Variants in ATXN10 observed in about 807,000 individuals in gnomAD.
The protein encoded by ATXN10 is ataxin 10, also known as ataxin-10.
Under a neutral mutation model 52.9 loss-of-function variants are expected in ATXN10, and 28 were observed. That is an observed-to-expected ratio of 0.53 (90% CI 0.39 to 0.73). The LOEUF (loss-of-function observed/expected upper bound fraction) is 0.73, where lower values mean the gene tolerates loss of function less well. ATXN10 is among the 30% of genes least tolerant of loss of function. ATXN10 has a pLI of 0.00. For synonymous variants in ATXN10, 226 were observed against 221.5 expected (o/e 1.02, Z -0.18); for missense variants, 565 against 577.0 (o/e 0.98, Z 0.21).
At chr22:45,777,055 A>AAT (rs1354157483) in intron 9 of ATXN10, among the ~76,000 whole-genome samples, 1 of 152,234 alleles carries the variant, frequency 6.6e-6, no homozygotes, top group Non-Finnish European at 1.5e-5. Flanking sequence ...ATTAATTTTA[A>AAT]ATAAACCAGA....
intron 1 of ATXN10, chr22:45,675,541 T>C (rs1922650181): frequency 6.6e-6 from 1 of 152,292 alleles, no homozygotes; most frequent in Non-Finnish European, 1.5e-5. Context: ...TGCCATGTCA[T>C]GAGGACACTC....
At chr22:45,735,844 G>T in intron 7 of ATXN10, among the ~76,000 whole-genome samples, 2 of 108,668 alleles carry the variant, frequency 1.8e-5, no homozygotes, top group African/African-American at 3.5e-5. Flanking sequence ...TTGCCCTAGT[G>T]CCTGATTTAA....
At chr22:45,753,959 T>G (rs146798809) in intron 9 of ATXN10, among the ~76,000 whole-genome samples, 14 of 152,354 alleles carry the variant, frequency 9.2e-5, no homozygotes, top group African/African-American at 3.4e-4. Context: ...ACCTACTTGT[T>G]TGCAGTCCTG....
chr22:45,759,721 G>C lies in ATXN10; in HGVS notation c.1173+19183G>C, dbSNP rs928109024. Among the ~76,000 whole-genome samples the C allele has an allele frequency of 6.6e-6, 1 of 152,098 alleles. No individual in the cohort carries two copies. The highest frequency in any genetic ancestry group is 2.1e-4 in the South Asian group (1 of 4,818). On this transcript the variant is annotated intron_variant, in intron 9 of 11. Transcript: ENST00000252934. This position sits in a 1 kb window ranked among gnomAD's most constrained non-coding sequence, Gnocchi z 5.4. ...CTGCCCTTCATAAAGCTCTAGTTTT[G>C]TAGGGGATGGGGTGGGATGGGGTCA...
chr22:45,832,506 C>G (rs1389741463), intron 10 of ATXN10, among the ~76,000 whole-genome samples: 3 of 152,246 alleles, frequency 2.0e-5, no homozygotes, highest in Admixed American at 2.0e-4. Flanking sequence ...TGCTCTGTCA[C>G]CCCTTTCAGA....
chr22:45,708,602 G>A lies in ATXN10; in HGVS notation c.647+5755G>A, dbSNP rs1197216661. ...CAGAGAGGAGGTCTGCATTTCAAAGGTGAGGCATGAACTCTTTTCAGTTTT... is the reference window on the plus strand; with the variant it reads ...CAGAGAGGAGGTCTGCATTTCAAAGATGAGGCATGAACTCTTTTCAGTTTT... On this transcript the variant is annotated intron_variant, in intron 5 of 11. Transcript: ENST00000252934. The surrounding 1 kb of genome is among the most constrained non-coding windows in gnomAD (Gnocchi z 5.3). Among the ~76,000 whole-genome samples, 2 of 152,236 alleles carry A rather than the reference G, an allele frequency of 1.3e-5. No individual in the cohort carries two copies. The highest frequency in any genetic ancestry group is 3.9e-4 in the East Asian group (2 of 5,188).
intron 1 of ATXN10, among the ~76,000 whole-genome samples, chr22:45,682,325 T>G (rs1922957811): frequency 6.7e-6 from 1 of 150,262 alleles, no homozygotes; most frequent in Admixed American, 6.6e-5. Flanking sequence ...ACTTCTTTGT[T>G]TTTTTTTTTG....
In ATXN10 at chr22:45,688,593, C is replaced by G. The variant is rs2146735989; in HGVS notation, c.117-1119C>G. Among the ~76,000 whole-genome samples, 1 of 152,224 alleles carries G rather than the reference C, an allele frequency of 6.6e-6. No homozygotes were observed. Among genetic ancestry groups the G allele is most frequent in the South Asian group, 2.1e-4 (1 of 4,820 alleles). Reference sequence around the variant, plus strand: ...TCAAGGAAAGACGTGTTTCCTCTGCCCCCGGAAAAGGGGCTTCCATAGGTG... The same window carrying G: ...TCAAGGAAAGACGTGTTTCCTCTGCGCCCGGAAAAGGGGCTTCCATAGGTG... On this transcript the variant is annotated intron_variant, in intron 1 of 11. Coordinates refer to ENST00000252934, the MANE Select transcript of ATXN10 (RefSeq NM_013236.4). The surrounding 1 kb of genome is among the most constrained non-coding windows in gnomAD (Gnocchi z 4.0).
intron 9 of ATXN10, among the ~76,000 whole-genome samples, chr22:45,801,339 C>G (rs1341629505): frequency 6.6e-6 from 1 of 152,210 alleles, no homozygotes; most frequent in East Asian, 1.9e-4. Context: ...GACTTTGGCT[C>G]TGAGTTTTCT....
At chr22:45,694,541 G>A (rs1351333423) in intron 3 of ATXN10, among the ~76,000 whole-genome samples, 2 of 151,962 alleles carry the variant, frequency 1.3e-5, no homozygotes, top group Admixed American at 1.3e-4. Context: ...CAGCACTTTG[G>A]GAGGCTGAGG....
intron 9 of ATXN10, among the ~76,000 whole-genome samples, chr22:45,760,329 C>G (rs117788150): frequency 6.6e-6 from 1 of 152,098 alleles, no homozygotes; most frequent in Non-Finnish European, 1.5e-5. Flanking sequence ...GGTTTATTCA[C>G]GTACCAGTGA....
chr22:45,830,581 G>A (rs369722761), intron 10 of ATXN10, among the ~76,000 whole-genome samples: 3 of 151,592 alleles, frequency 2.0e-5, no homozygotes, highest in Admixed American at 6.6e-5. Flanking sequence ...TATACAAATG[G>A]CCAAGAAGCA....
At position 45,700,388 on chromosome 22, in the gene ATXN10, T is replaced by C. The variant is rs1364226775; in HGVS notation, c.488+10T>C. 1.9e-6 allele frequency: 3 copies of C among 1,588,468 alleles called. No individual in the cohort carries two copies. The highest frequency in any genetic ancestry group is 1.7e-6 in the Non-Finnish European group (2 of 1,156,892). ...TCCCAGAACTGTTTTTGTGAGTATATTGATAAGCATTTTTCTAACTTGTGA... is the reference window on the plus strand; with the variant it reads ...TCCCAGAACTGTTTTTGTGAGTATACTGATAAGCATTTTTCTAACTTGTGA... On this transcript the variant is annotated intron_variant, in intron 4 of 11. Transcript: ENST00000252934.
At chr22:45,756,981 G>A (rs1188259104) in intron 9 of ATXN10, among the ~76,000 whole-genome samples, 1 of 152,198 alleles carries the variant, frequency 6.6e-6, no homozygotes, top group Non-Finnish European at 1.5e-5. Flanking sequence ...CCATCAGCAC[G>A]TGGAAACTGA....
In ATXN10 at chr22:45,775,677, G is replaced by A. The variant is rs1411830265; in HGVS notation, c.1174-31282G>A. Among the ~76,000 whole-genome samples, 1 of 152,180 alleles carries A rather than the reference G, an allele frequency of 6.6e-6. No homozygotes were observed. The highest frequency in any genetic ancestry group is 1.5e-5 in the Non-Finnish European group (1 of 68,038). On this transcript the variant is annotated intron_variant, in intron 9 of 11. Transcript: ENST00000252934. The surrounding 1 kb of genome is among the most constrained non-coding windows in gnomAD (Gnocchi z 4.7). ...ATTTATAATAAAAATGTGACTTGCA[G>A]TATTGTTATTGAGAGAGATTTAGTG...
At chr22:45,699,377 G>A (rs1265065483) in intron 3 of ATXN10, among the ~76,000 whole-genome samples, 2 of 151,132 alleles carry the variant, frequency 1.3e-5, no homozygotes, top group Admixed American at 6.6e-5. Context: ...TGGATCAGTT[G>A]GTTTTCAGAT....
rs1225365207 is a variant in ATXN10, at chr22:45,769,178, ATTG to A, written c.1173+28647_1173+28649del. On this transcript the variant is annotated intron_variant, in intron 9 of 11. Coordinates refer to ENST00000252934, the MANE Select transcript of ATXN10 (RefSeq NM_013236.4). The surrounding 1 kb of genome is among the most constrained non-coding windows in gnomAD (Gnocchi z 4.2). ...GGTTAAAAATTTTTAAAGAGTTGTT[ATTG>A]TTGTTGACCCGAGGTTGAGAGCTCT... is the stretch of plus-strand genomic sequence containing the variant. Among the ~76,000 whole-genome samples, 1 of 151,874 alleles carries A rather than the reference ATTG, an allele frequency of 6.6e-6. No homozygotes were observed. Among genetic ancestry groups the A allele is most frequent in the East Asian group, 1.9e-4 (1 of 5,190 alleles).
chr22:45,689,638 G>T, intron 1 of ATXN10, 74 bp from the exon 2 acceptor site: 2 of 1,360,542 alleles, frequency 1.5e-6, no homozygotes, highest in Non-Finnish European at 1.0e-6. Flanking sequence ...GTAGATAAAA[G>T]CAGTTTTCTG....
rs994928092 is a variant in ATXN10 at position 45,757,179 on chromosome 22, G to T, written c.1173+16641G>T. On this transcript the variant is annotated intron_variant, in intron 9 of 11. Transcript: ENST00000252934. The surrounding 1 kb of genome is among the most constrained non-coding windows in gnomAD (Gnocchi z 4.6). ...GAGTCTGATGGGGAGGTGGGTGGCG[G>T]GGGTGTTGACAGGAAAAATCCGACT... Among the ~76,000 whole-genome samples the T allele has an allele frequency of 6.6e-6, 1 of 152,132 alleles. No individual in the cohort carries two copies. Among genetic ancestry groups the T allele is most frequent in the African/African-American group, 2.4e-5 (1 of 41,418 alleles).
Sources: allele counts gnomAD v4.1 joint callset (sites outside exome capture counted in the v4.1 genomes callset), GRCh38; gene constraint gnomAD v4.1.1; non-coding constraint Gnocchi (gnomAD v3.1); transcripts MANE v1.5; gene names NCBI Gene and HGNC (gene_info 2026-07-23, HGNC 2026-07-21).